Variants in FBXW8 observed in about 807,000 individuals in gnomAD.
The protein encoded by FBXW8 is F-box/WD repeat-containing protein 8.
In FBXW8, 57 loss-of-function variants were observed where a neutral mutation model predicts 65.3. That is an observed-to-expected ratio of 0.87 (90% confidence interval 0.71 to 1.09). The LOEUF is 1.09. FBXW8 is among the 50% of genes least tolerant of loss of function. FBXW8 has a pLI of 0.00. For synonymous variants in FBXW8, 308 were observed against 330.2 expected (o/e 0.93, Z 0.73); for missense variants, 777 against 814.8 (o/e 0.95, Z 0.57).
chr12:117,002,082 T>A (rs1183711764), intron 7 of FBXW8, among the ~76,000 whole-genome samples: 1 of 152,116 alleles, frequency 6.6e-6, no homozygotes, highest in Non-Finnish European at 1.5e-5. Context: ...TCACAATAGG[T>A]GTTGGTTTGG....
intron 4 of FBXW8, among the ~76,000 whole-genome samples, chr12:116,960,140 C>T (rs1490984759): frequency 1.3e-5 from 2 of 152,174 alleles, no homozygotes; most frequent in South Asian, 2.1e-4. Flanking sequence ...TACCTCCATT[C>T]GTTATCTGTT....
At chr12:116,945,581 G>A in intron 3 of FBXW8, 53 bp downstream of exon 3, 2 of 1,556,562 alleles carry the variant, frequency 1.3e-6, no homozygotes, top group Non-Finnish European at 1.8e-6. Flanking sequence ...CAAGGACATG[G>A]GAATCCAAGC....
rs150036359 is a variant in FBXW8 at position 117,028,236 on chromosome 12, G to A, written c.*64G>A. On this transcript the variant is annotated 3_prime_UTR_variant, in exon 11 of 11. Transcript: ENST00000652555. The surrounding 1 kb of genome is among the most constrained non-coding windows in gnomAD (Gnocchi z 4.1). ...GAACCAGTTTTATCCATCTTAAAAC[G>A]CCAGGCACCTCTTCACAGGTGGTAA... 165 of 1,584,846 alleles carry A rather than the reference G, an allele frequency of 1.0e-4. No homozygotes were observed. The highest frequency in any genetic ancestry group is 2.7e-4 in the East Asian group (12 of 44,494).
At chr12:116,949,785 G>C in intron 4 of FBXW8, 79 bp downstream of exon 4, 1 of 1,297,312 alleles carries the variant, frequency 7.7e-7, no homozygotes, top group Non-Finnish European at 1.1e-6. Flanking sequence ...GAGTACCAGT[G>C]ACCTTAGCTT....
Position 116,964,786 on chromosome 12 carries a change from C to T in FBXW8, c.767C>T (p.Pro256Leu), listed in dbSNP as rs1884211044. Residue 256 changes from proline (P) to leucine (L), a missense_variant, in exon 5 of 11, where the codon CCT (proline) becomes CTT (leucine). Pro to Leu is a moderately conservative substitution (Grantham distance 98). Coordinates refer to ENST00000652555, the MANE Select transcript of FBXW8 (RefSeq NM_153348.3). ...GAATCAGAGGACGAGGAGGATGAGC[C>T]TGGAATGCAGCCAAATGTCTCCTTT... is the stretch of plus-strand genomic sequence containing the variant. ...FLESEDEEDE[P>L]GMQPNVSFVR... 6.2e-7 allele frequency: 1 copy of T among 1,613,332 alleles called. No individual in the cohort carries two copies. The highest frequency in any genetic ancestry group is 1.1e-5 in the South Asian group (1 of 91,018).
At chr12:116,956,506 C>A (rs896632016) in intron 4 of FBXW8, among the ~76,000 whole-genome samples, 1 of 152,046 alleles carries the variant, frequency 6.6e-6, no homozygotes, top group East Asian at 1.9e-4. Flanking sequence ...TACACCCTGG[C>A]GTCAGAGTGA....
At chr12:116,976,707 C>T (rs1165273879) in intron 5 of FBXW8, among the ~76,000 whole-genome samples, 1 of 151,008 alleles carries the variant, frequency 6.6e-6, no homozygotes, top group Non-Finnish European at 1.5e-5. Context: ...CTCAAGTGAT[C>T]TGCCCTCCCT....
chr12:116,930,851 A>G (rs1418625355), intron 2 of FBXW8, among the ~76,000 whole-genome samples: 1 of 152,202 alleles, frequency 6.6e-6, no homozygotes, highest in African/African-American at 2.4e-5. Flanking sequence ...TCTGTTGCCC[A>G]GGCTGGCATG....
intron 4 of FBXW8, chr12:116,949,915 G>A (rs948068978): frequency 6.4e-5 from 34 of 530,220 alleles, no homozygotes; most frequent in Admixed American, 6.3e-5. Context: ...GGTGTAGAGC[G>A]GATCTGTGAT....
chr12:116,968,104 G>T (rs1235847170), intron 5 of FBXW8, among the ~76,000 whole-genome samples: 1 of 152,084 alleles, frequency 6.6e-6, no homozygotes, highest in Non-Finnish European at 1.5e-5. Flanking sequence ...TTTTCTAGAA[G>T]GTACTTGGTA....
intron 7 of FBXW8, among the ~76,000 whole-genome samples, chr12:117,000,488 A>G (rs1953489009): frequency 6.6e-6 from 1 of 152,236 alleles, no homozygotes; most frequent in Non-Finnish European, 1.5e-5. Flanking sequence ...TGATGAAAAC[A>G]CTGAGCACTG....
chr12:116,937,443 G>A (rs533424387), intron 2 of FBXW8, among the ~76,000 whole-genome samples: 3 of 152,312 alleles, frequency 2.0e-5, no homozygotes, highest in South Asian at 4.1e-4. Context: ...GCAGAGGACC[G>A]GGAAGGAGTT....
chr12:116,952,252 G>C (rs1306653359), intron 4 of FBXW8, among the ~76,000 whole-genome samples: 1 of 152,182 alleles, frequency 6.6e-6, no homozygotes, highest in African/African-American at 2.4e-5. Flanking sequence ...ACCTGGGTTT[G>C]TGTAAGAACA....
At chr12:117,027,368 AC>A (rs768450375) in intron 9 of FBXW8, 25 bp from the exon 10 acceptor site, 2 of 1,596,606 alleles carry the variant, frequency 1.3e-6, no homozygotes. Context: ...ACGCCCCCTT[AC>A]GAGCTCTCTC....
At chr12:116,928,522 C>T (rs186747501) in intron 2 of FBXW8, among the ~76,000 whole-genome samples, 2 of 152,210 alleles carry the variant, frequency 1.3e-5, no homozygotes, top group Admixed American at 6.5e-5. Context: ...GGGGTCAGCA[C>T]GAGGACAGAA....
chr12:117,002,155 C>T (rs573291800), intron 7 of FBXW8, among the ~76,000 whole-genome samples: 14 of 152,310 alleles, frequency 9.2e-5, no homozygotes, highest in African/African-American at 3.1e-4. Flanking sequence ...TGGCACAGCC[C>T]GCAGCAGTTG....
At chr12:116,974,035 A>AG (rs1271307000) in intron 5 of FBXW8, among the ~76,000 whole-genome samples, 3 of 152,220 alleles carry the variant, frequency 2.0e-5, no homozygotes, top group Non-Finnish European at 4.4e-5. Context: ...AAACATGGTG[A>AG]GGCCCACAGT....
Position 117,024,198 on chromosome 12 carries a change from C to G in FBXW8, c.1419C>G (p.Ala473=). The change falls in exon 9 of 11, where the codon GCC becomes GCG. Residue 473 remains alanine (A), a synonymous_variant. Transcript: ENST00000652555. ...GTAACATCGCCCTGTCGCTCTCCGC[C>G]CATCAGCTCAGGGTCTCTGCTGTGC... ...RSGNIALSLS[A]HQLRVSAVQM... is the part of the protein sequence containing the mutation. The G allele has an allele frequency of 6.2e-7, 1 of 1,614,188 alleles. No homozygotes were observed. Among genetic ancestry groups the G allele is most frequent in the South Asian group, 1.1e-5 (1 of 91,088 alleles).
intron 2 of FBXW8, among the ~76,000 whole-genome samples, chr12:116,940,919 G>A (rs1294932386): frequency 6.6e-6 from 1 of 152,156 alleles, no homozygotes; most frequent in Admixed American, 6.5e-5. Flanking sequence ...CATTGAGAGA[G>A]TGTCAGAATG....
Sources: gnomAD v4.1 joint callset for allele counts (sites outside exome capture counted in the v4.1 genomes callset) on GRCh38, gnomAD v4.1.1 for gene constraint, Gnocchi (gnomAD v3.1) non-coding constraint, MANE v1.5 for transcripts, NCBI Gene and HGNC (gene_info 2026-07-23, HGNC 2026-07-21) for gene names.